The following DIP2B variants were observed in gnomAD, a reference collection of about 807,000 sequenced individuals.
The protein encoded by DIP2B is disco-interacting protein 2 homolog B.
In DIP2B, 76 loss-of-function variants were observed where a neutral mutation model predicts 198.0. The observed-to-expected ratio is 0.38, with a 90% CI of 0.32 to 0.46. The LOEUF is 0.46. Ranked by LOEUF, DIP2B falls within the 20% of genes least tolerant of loss-of-function variation. The probability of loss-of-function intolerance (pLI) is 0.99; values close to 1 mark genes in which losing one functional copy is unlikely to be tolerated. For synonymous variants in DIP2B, 701 were observed against 739.1 expected, an observed-to-expected ratio of 0.95 and a Z score of 0.84; for missense variants, 1,559 against 1,978.4, an observed-to-expected ratio of 0.79 and a Z score of 4.02.
At chr12:50,658,854 C>T (rs892675596) in intron 3 of DIP2B, among the ~76,000 whole-genome samples, 7 of 151,920 alleles carry the variant, frequency 4.6e-5, no homozygotes, top group South Asian at 4.1e-4. Flanking sequence ...TTTAGTAGGC[C>T]GAGGCGGGCA....
At chr12:50,709,782 C>T (rs1939581100) in intron 22 of DIP2B, among the ~76,000 whole-genome samples, 1 of 152,028 alleles carries the variant, frequency 6.6e-6, no homozygotes, top group African/African-American at 2.4e-5. Context: ...GCCTGGGTGA[C>T]AGAGGAAGAC....
At chr12:50,576,874 T>A (rs116115239) in intron 1 of DIP2B, among the ~76,000 whole-genome samples, 2,041 of 151,878 alleles carry the variant, frequency 0.013, 50 homozygotes, top group African/African-American at 0.046. Flanking sequence ...TATTATTATT[T>A]TTTTTTGATA....
intron 37 of DIP2B, chr12:50,743,686 A>C (rs759015424): frequency 1.3e-5 from 2 of 152,218 alleles, no homozygotes; most frequent in African/African-American, 4.8e-5. Context: ...TAGTCTAAAA[A>C]ACAAAAGAAT....
chr12:50,624,402 G>A (rs1453089691), intron 1 of DIP2B, among the ~76,000 whole-genome samples: 1 of 151,932 alleles, frequency 6.6e-6, no homozygotes, highest in Non-Finnish European at 1.5e-5. Flanking sequence ...GCGCGATCTC[G>A]GCTCACTGCA....
rs1308729086 is a variant in DIP2B at position 50,690,368 on chromosome 12, G to A, written c.1552-681G>A. Among the ~76,000 whole-genome samples the A allele has an allele frequency of 2.6e-5, 4 of 152,142 alleles. 1 individual carries two copies. The highest frequency in any genetic ancestry group is 4.1e-4 in the South Asian group (2 of 4,834). ...CCCAAAGTTCTGGGATTACAGGCGTGAGCCACCGCACCCAGCCAAAATTTT... is the reference window on the plus strand; with the variant it reads ...CCCAAAGTTCTGGGATTACAGGCGTAAGCCACCGCACCCAGCCAAAATTTT... On this transcript the variant is annotated intron_variant, in intron 12 of 37. Coordinates refer to ENST00000301180, the MANE Select transcript of DIP2B (RefSeq NM_173602.3).
chr12:50,570,738 A>G (rs1565828195), intron 1 of DIP2B, among the ~76,000 whole-genome samples: 1 of 152,360 alleles, frequency 6.6e-6, no homozygotes, highest in East Asian at 1.9e-4. Context: ...CAAACAATAA[A>G]ATAAAGATAT....
In DIP2B at chr12:50,691,064, G is replaced by T; in HGVS notation, c.1567G>T (p.Glu523Ter). The change falls in exon 13 of 38, where the codon GAA becomes TAA. Residue 523 changes from glutamate (E) to a stop codon, truncating the protein, a stop_gained. Coordinates refer to ENST00000301180, the MANE Select transcript of DIP2B (RefSeq NM_173602.3). LOFTEE classifies it high-confidence loss of function. ...TGTTTTCTAGTATAAAACAAGCAAA[G>T]AAGGGAGTGTAATGGGAGTTACAGT... ...PAYIEYKTSKEGSVMGVTVSR... is the reference protein window; with the variant it reads ...PAYIEYKTSK 1 of 1,613,854 alleles carries T rather than the reference G, an allele frequency of 6.2e-7. No homozygotes were observed. The highest frequency in any genetic ancestry group is 8.5e-7 in the Non-Finnish European group (1 of 1,179,944).
At chr12:50,515,086 A>T (rs1958052084) in intron 1 of DIP2B, among the ~76,000 whole-genome samples, 1 of 151,336 alleles carries the variant, frequency 6.6e-6, no homozygotes, top group Admixed American at 6.6e-5. Context: ...CCTTCCTCTT[A>T]TTTCTTACCT....
intron 1 of DIP2B, among the ~76,000 whole-genome samples, chr12:50,547,860 G>A (rs545390889): frequency 6.1e-4 from 93 of 152,222 alleles, no homozygotes; most frequent in African/African-American, 2.1e-3. Flanking sequence ...CTTGAGGACA[G>A]GAGTTCGAGA....
chr12:50,544,256 A>C (rs991282763), intron 1 of DIP2B, among the ~76,000 whole-genome samples: 1 of 152,048 alleles, frequency 6.6e-6, no homozygotes, highest in Admixed American at 6.6e-5. Context: ...AAGAAAATGA[A>C]TATTTCCTTA....
At chr12:50,548,700 A>G (rs1191898578) in intron 1 of DIP2B, among the ~76,000 whole-genome samples, 1 of 151,848 alleles carries the variant, frequency 6.6e-6, no homozygotes, top group East Asian at 1.9e-4. Flanking sequence ...TAATTTTTAT[A>G]TTTTTAGTAG....
intron 5 of DIP2B, among the ~76,000 whole-genome samples, chr12:50,674,224 G>A (rs748524235): frequency 1.3e-5 from 2 of 152,138 alleles, no homozygotes; most frequent in African/African-American, 2.4e-5. Flanking sequence ...CATTGAATGT[G>A]AGATTTGATC....
intron 26 of DIP2B, among the ~76,000 whole-genome samples, chr12:50,722,011 GTCT>G (rs1458680602): frequency 5.9e-5 from 7 of 118,070 alleles, no homozygotes; most frequent in African/African-American, 1.2e-4. Context: ...TTACGATTTA[GTCT>G]TCTTCTGTTG....
chr12:50,528,057 A>G (rs1249158210), intron 1 of DIP2B, among the ~76,000 whole-genome samples: 2 of 151,698 alleles, frequency 1.3e-5, no homozygotes, highest in East Asian at 1.9e-4. Flanking sequence ...CCTCCCAGGT[A>G]GCTGAGACTA....
intron 1 of DIP2B, among the ~76,000 whole-genome samples, chr12:50,544,995 A>G (rs1958363667): frequency 1.3e-5 from 2 of 152,258 alleles, no homozygotes; most frequent in South Asian, 4.1e-4. Context: ...GGAGGCCAAG[A>G]TGGGAGAATC....
chr12:50,718,861 G>A (rs1465570347), intron 24 of DIP2B, 43 bp downstream of exon 24: 4 of 1,611,986 alleles, frequency 2.5e-6, no homozygotes, highest in Non-Finnish European at 3.4e-6. Context: ...TCAAGTCAAG[G>A]ACAGAACTTA....
At chr12:50,732,835 G>A (rs970664384) in intron 32 of DIP2B, among the ~76,000 whole-genome samples, 12 of 152,216 alleles carry the variant, frequency 7.9e-5, no homozygotes, top group African/African-American at 2.6e-4. Context: ...ATCGTCGTGT[G>A]GTCATGATGA....
intron 1 of DIP2B, among the ~76,000 whole-genome samples, chr12:50,525,957 ACTTT>A (rs778249173): frequency 4.9e-4 from 74 of 151,958 alleles, no homozygotes; most frequent in Non-Finnish European, 9.9e-4. Context: ...ACTCTCTTTT[ACTTT>A]CTTTTTTTCC....
At chr12:50,692,921 C>CT (rs779325548) in intron 13 of DIP2B, 28 bp from the exon 14 acceptor site, 16 of 1,594,012 alleles carry the variant, frequency 1.0e-5, no homozygotes, top group Non-Finnish European at 1.3e-5. Context: ...AAGATGATTT[C>CT]TTTGTCTTCC....
Sources: gnomAD v4.1 joint callset for allele counts (sites outside exome capture counted in the v4.1 genomes callset) on GRCh38, gnomAD v4.1.1 for gene constraint, MANE v1.5 for transcripts, NCBI Gene and HGNC (gene_info 2026-07-23, HGNC 2026-07-21) for gene names.